NUP62CL: variants seen among roughly 807,000 people sequenced by gnomAD.
The protein encoded by NUP62CL is nucleoporin-62 C-terminal-like protein.
Under a neutral mutation model 15.3 loss-of-function variants are expected in NUP62CL, and 13 were observed. That is an observed-to-expected ratio of 0.85 (90% CI 0.55 to 1.35). The LOEUF (loss-of-function observed/expected upper bound fraction) is 1.35, where lower values mean the gene tolerates loss of function less well. NUP62CL is among the 40% of genes most tolerant of loss of function. The probability of loss-of-function intolerance (pLI) is 0.00; values close to 1 mark genes in which losing one functional copy is unlikely to be tolerated. For synonymous variants in NUP62CL, 54 were observed against 49.2 expected (o/e 1.10, Z -0.41); for missense variants, 123 against 130.6 (o/e 0.94, Z 0.28).
intron 2 of NUP62CL, among the ~76,000 whole-genome samples, chrX:107,190,195 T>C (rs759673873): frequency 1.1e-4 from 12 of 111,758 alleles, no homozygotes; most frequent in Non-Finnish European, 1.9e-4. Context: ...GCCAAAATAT[T>C]TTAGCAAGAA....
At chrX:107,162,416 G>A (rs1041968421) in intron 4 of NUP62CL, among the ~76,000 whole-genome samples, 5 of 110,580 alleles carry the variant, frequency 4.5e-5, no homozygotes, top group Non-Finnish European at 5.7e-5. Context: ...TCAAATCCAC[G>A]CTAAGACACA....
intron 4 of NUP62CL, 107 bp from the exon 5 acceptor site, chrX:107,154,353 G>A (rs1316547647): frequency 3.5e-6 from 2 of 567,447 alleles, no homozygotes; most frequent in Non-Finnish European, 5.2e-6. Flanking sequence ...CAGCATGTAA[G>A]GAATTTCCCA....
chrX:107,168,096 A>C (rs1246186571), intron 3 of NUP62CL, among the ~76,000 whole-genome samples: 1 of 111,747 alleles, frequency 8.9e-6, no homozygotes, highest in African/African-American at 3.2e-5. Context: ...CCCAGATGCC[A>C]CTGCTGGTAA....
chrX:107,154,171 A>G lies in NUP62CL; in HGVS notation c.270T>C (p.Asp90=). The G allele has an allele frequency of 8.3e-7, 1 of 1,206,518 alleles. No individual in the cohort carries two copies. Among genetic ancestry groups the G allele is most frequent in the Non-Finnish European group, 1.1e-6 (1 of 891,039 alleles). Residue 90 remains aspartate (D), a synonymous_variant, in exon 5 of 9, where the codon GAT becomes GAC. Transcript: ENST00000372466. Reference sequence around the variant, plus strand: ...CCTGGAGAAGAAAGTACTTCTCTTGATCTTCCAGCTCAAGGTTCCACTCAT... The same window carrying G: ...CCTGGAGAAGAAAGTACTTCTCTTGGTCTTCCAGCTCAAGGTTCCACTCAT... ...LINEWNLELE[D]QEKYFLLQAT...
chrX:107,125,341 G>A (rs1925362440), intron 8 of NUP62CL, among the ~76,000 whole-genome samples: 1 of 111,306 alleles, frequency 9.0e-6, no homozygotes, highest in African/African-American at 3.3e-5. Flanking sequence ...TCCATCAACA[G>A]TAGGCTATTA....
chrX:107,132,790 G>A (rs1925551113), intron 8 of NUP62CL, among the ~76,000 whole-genome samples: 1 of 111,814 alleles, frequency 8.9e-6, no homozygotes, highest in Non-Finnish European at 1.9e-5. Context: ...ACTTGTAAAT[G>A]ACTTTAGGGA....
intron 2 of NUP62CL, among the ~76,000 whole-genome samples, chrX:107,184,574 C>CA (rs1410738615): frequency 1.8e-5 from 2 of 111,164 alleles, no homozygotes; most frequent in Non-Finnish European, 3.8e-5. Flanking sequence ...AAAAAATTAA[C>CA]AGAGCATCAG....
chrX:107,127,342 C>G (rs916634269), intron 8 of NUP62CL, among the ~76,000 whole-genome samples: 5 of 111,321 alleles, frequency 4.5e-5, no homozygotes, highest in Middle Eastern at 4.6e-3. Flanking sequence ...AAAATTTTGG[C>G]GGTAAAAAAA....
chrX:107,190,223 A>G (rs1275655487), intron 2 of NUP62CL, among the ~76,000 whole-genome samples: 2 of 111,884 alleles, frequency 1.8e-5, no homozygotes, highest in African/African-American at 6.5e-5. Flanking sequence ...CTCCCAAATC[A>G]TGCCATATAA....
At chrX:107,171,955 C>A (rs1333057052) in intron 3 of NUP62CL, among the ~76,000 whole-genome samples, 2 of 109,294 alleles carry the variant, frequency 1.8e-5, no homozygotes, top group South Asian at 4.0e-4. Context: ...TTATGACACA[C>A]CCTTCACAAG....
chrX:107,153,581 A>C, intron 5 of NUP62CL, 78 bp from the exon 6 acceptor site: 1 of 602,448 alleles, frequency 1.7e-6, no homozygotes, highest in Non-Finnish European at 2.5e-6. Flanking sequence ...TAATTTTCTC[A>C]AATACACTTC....
chrX:107,185,853 T>C (rs140585362), intron 2 of NUP62CL, among the ~76,000 whole-genome samples: 229 of 111,350 alleles, frequency 2.1e-3, no homozygotes, highest in Non-Finnish European at 2.7e-3. Flanking sequence ...AGTAATGATA[T>C]AGGCAAGTTA....
intron 1 of NUP62CL, among the ~76,000 whole-genome samples, chrX:107,201,774 T>A (rs745588186): frequency 1.9e-5 from 2 of 107,828 alleles, no homozygotes; most frequent in African/African-American, 6.8e-5. Context: ...CAAAAAAAAA[T>A]TAAAAATTAG....
intron 1 of NUP62CL, among the ~76,000 whole-genome samples, chrX:107,200,450 C>A (rs1927452063): frequency 9.1e-6 from 1 of 109,561 alleles, no homozygotes; most frequent in East Asian, 2.9e-4. Context: ...GAAAACCCGT[C>A]TCTACTAAAA....
At chrX:107,169,242 G>A (rs1273173287) in intron 3 of NUP62CL, among the ~76,000 whole-genome samples, 3 of 111,281 alleles carry the variant, frequency 2.7e-5, no homozygotes, top group African/African-American at 9.8e-5. Context: ...GGGACCATGA[G>A]CAAGTCACAA....
chrX:107,159,932 G>C (rs1158721439), intron 4 of NUP62CL, among the ~76,000 whole-genome samples: 1 of 107,840 alleles, frequency 9.3e-6, no homozygotes, highest in Non-Finnish European at 1.9e-5. Flanking sequence ...CTTCAGCAAA[G>C]TCTCAGGATA....
chrX:107,204,003 A>T (rs1419178938), intron 1 of NUP62CL, among the ~76,000 whole-genome samples: 1 of 110,596 alleles, frequency 9.0e-6, no homozygotes, highest in African/African-American at 3.3e-5. Flanking sequence ...AGGTTTCATT[A>T]TTTTTTTTCC....
At chrX:107,139,328 A>C (rs1925713309) in intron 8 of NUP62CL, among the ~76,000 whole-genome samples, 1 of 111,795 alleles carries the variant, frequency 8.9e-6, no homozygotes, top group Non-Finnish European at 1.9e-5. Context: ...CACACAAGTA[A>C]AACTGGGGAA....
intron 2 of NUP62CL, among the ~76,000 whole-genome samples, chrX:107,184,652 C>T (rs1927010592): frequency 9.0e-6 from 1 of 111,042 alleles, no homozygotes; most frequent in Non-Finnish European, 1.9e-5. Flanking sequence ...AAGAGGGTAG[C>T]GCTAAAAAGT....
Sources: allele counts gnomAD v4.1 joint callset (sites outside exome capture counted in the v4.1 genomes callset), GRCh38; gene constraint gnomAD v4.1.1; transcripts MANE v1.5; gene names NCBI Gene and HGNC (gene_info 2026-07-23, HGNC 2026-07-21).